The following ZNG1B variants were observed in gnomAD, a reference collection of about 807,000 sequenced individuals.
ZNG1B encodes the protein zinc-regulated GTPase metalloprotein activator 1B.
the ZNG1B span, among the ~76,000 whole-genome samples, chr2:113,483,355 G>A: frequency 6.6e-6 from 1 of 152,076 alleles, no homozygotes; most frequent in Non-Finnish European, 1.5e-5. Flanking sequence ...GCTTTTGCCT[G>A]GCAAGAGTCT....
the ZNG1B span, among the ~76,000 whole-genome samples, chr2:113,442,632 A>T: frequency 1.3e-5 from 2 of 151,998 alleles, no homozygotes; most frequent in Non-Finnish European, 2.9e-5. Context: ...TTTTTCCTGG[A>T]TCATTTTCGC....
the ZNG1B span, among the ~76,000 whole-genome samples, chr2:113,439,835 C>A: frequency 6.7e-6 from 1 of 149,324 alleles, no homozygotes; most frequent in Admixed American, 6.7e-5. Flanking sequence ...TAATTGCCTC[C>A]TTATTCACTG....
chr2:113,439,189 C>G, the ZNG1B span: 2 of 1,297,394 alleles, frequency 1.5e-6, no homozygotes, highest in South Asian at 2.7e-5. Flanking sequence ...AACCTTGTTG[C>G]TGAATCTAGG....
At chr2:113,464,844 G>A in the ZNG1B span, among the ~76,000 whole-genome samples, 20 of 151,944 alleles carry the variant, frequency 1.3e-4, no homozygotes, top group East Asian at 3.9e-4. Flanking sequence ...AAAGTGAAGC[G>A]TCTTTTTATT....
chr2:113,451,401 A>AT, the ZNG1B span, among the ~76,000 whole-genome samples: 2 of 140,250 alleles, frequency 1.4e-5, no homozygotes, highest in African/African-American at 5.3e-5. Flanking sequence ...TTTTTGTTTT[A>AT]TTAGATTTTG....
chr2:113,471,178 A>T, the ZNG1B span: 2 of 1,333,916 alleles, frequency 1.5e-6, no homozygotes, highest in African/African-American at 3.0e-5. Context: ...TGCATCCATG[A>T]TTTAAGCTTC....
At chr2:113,478,409 G>T in the ZNG1B span, among the ~76,000 whole-genome samples, 1 of 151,824 alleles carries the variant, frequency 6.6e-6, no homozygotes, top group African/African-American at 2.4e-5. Flanking sequence ...CCAAGAAGCT[G>T]GGACCACAGG....
At chr2:113,441,034 G>A in the ZNG1B span, among the ~76,000 whole-genome samples, 7 of 150,164 alleles carry the variant, frequency 4.7e-5, no homozygotes, top group African/African-American at 1.2e-4. Context: ...CTGAAGTTGC[G>A]TCTTGTTAAT....
At chr2:113,442,446 G>C in the ZNG1B span, among the ~76,000 whole-genome samples, 3 of 152,100 alleles carry the variant, frequency 2.0e-5, no homozygotes, top group African/African-American at 7.2e-5. Context: ...AAAAGAGCTA[G>C]GTTTTATGAA....
chr2:113,478,134 C>T, the ZNG1B span, among the ~76,000 whole-genome samples: 2 of 152,150 alleles, frequency 1.3e-5, no homozygotes, highest in East Asian at 1.9e-4. Flanking sequence ...TCATAAGTCT[C>T]GTATATGTCC....
At chr2:113,459,612 T>G in the ZNG1B span, among the ~76,000 whole-genome samples, 2 of 151,742 alleles carry the variant, frequency 1.3e-5, no homozygotes, top group African/African-American at 4.8e-5. Context: ...TAGATTTAGT[T>G]TCTTCCTTTA....
chr2:113,473,858 G>C, the ZNG1B span, among the ~76,000 whole-genome samples: 3 of 141,660 alleles, frequency 2.1e-5, no homozygotes, highest in Non-Finnish European at 4.5e-5. Flanking sequence ...TGGTGGATAA[G>C]CTTTTTGATG....
the ZNG1B span, chr2:113,439,094 G>C: frequency 1.3e-6 from 2 of 1,540,628 alleles, no homozygotes; most frequent in African/African-American, 1.4e-5. Flanking sequence ...CGTGCCGCTC[G>C]GGCCTTTCCC....
chr2:113,450,237 T>G, the ZNG1B span, among the ~76,000 whole-genome samples: 31 of 146,540 alleles, frequency 2.1e-4, no homozygotes, highest in African/African-American at 6.8e-4. Context: ...TACTTTTTTT[T>G]GGTCAAATTA....
the ZNG1B span, among the ~76,000 whole-genome samples, chr2:113,473,578 A>G: frequency 0.011 from 1,660 of 151,894 alleles, 10 homozygotes; most frequent in Non-Finnish European, 0.016. Flanking sequence ...TTTCAAAGGG[A>G]ATGCTTCCAG....
chr2:113,488,341 C>A, the ZNG1B span, among the ~76,000 whole-genome samples: 1 of 152,078 alleles, frequency 6.6e-6, no homozygotes, highest in Non-Finnish European at 1.5e-5. Flanking sequence ...AAGGGAACAC[C>A]CCGTAGGACG....
the ZNG1B span, among the ~76,000 whole-genome samples, chr2:113,472,617 A>G: frequency 1.3e-5 from 2 of 152,018 alleles, no homozygotes; most frequent in Non-Finnish European, 2.9e-5. Context: ...TTATGGTTTT[A>G]GGTTGAACGT....
chr2:113,484,943 G>A, the ZNG1B span, among the ~76,000 whole-genome samples: 1 of 151,930 alleles, frequency 6.6e-6, no homozygotes, highest in African/African-American at 2.4e-5. Context: ...GGGATTACAG[G>A]CATGAGCCAC....
the ZNG1B span, among the ~76,000 whole-genome samples, chr2:113,480,049 G>C: frequency 6.6e-6 from 1 of 151,594 alleles, no homozygotes; most frequent in Non-Finnish European, 1.5e-5. Flanking sequence ...TTAAACTCCT[G>C]GGCTTAAGTG....
Sources: allele counts gnomAD v4.1 joint callset (sites outside exome capture counted in the v4.1 genomes callset), GRCh38; gene constraint gnomAD v4.1.1; transcripts MANE v1.5; gene names NCBI Gene and HGNC (gene_info 2026-07-23, HGNC 2026-07-21).